The following MARK1 variants were observed in gnomAD, a reference collection of about 807,000 sequenced individuals.
MARK1 encodes microtubule affinity regulating kinase 1.
MARK1 carries 40 observed loss-of-function variants against 96.3 expected under a neutral mutation model. The ratio of observed to expected loss-of-function variants is 0.42; its 90% confidence interval spans 0.32 to 0.54. The LOEUF (loss-of-function observed/expected upper bound fraction) is 0.54. MARK1 is among the 20% of genes least tolerant of loss of function. The pLI is 0.16. For missense variants in MARK1, 719 were observed against 984.6 expected (o/e 0.73, Z 3.61); for synonymous variants, 317 against 341.2 (o/e 0.93, Z 0.78).
chr1:220,631,355 T>C (rs79037389), intron 10 of MARK1, among the ~76,000 whole-genome samples: 1 of 152,318 alleles, frequency 6.6e-6, no homozygotes, highest in African/African-American at 2.4e-5. Flanking sequence ...ACAACAGTGA[T>C]ATAAAACCTA....
chr1:220,646,472 C>G (rs1238906040), intron 13 of MARK1, among the ~76,000 whole-genome samples: 2 of 152,140 alleles, frequency 1.3e-5, no homozygotes, highest in African/African-American at 4.8e-5. Context: ...GTCAAAATGA[C>G]CATACTGCCA....
chr1:220,567,910 T>C (rs1363059100), intron 1 of MARK1, among the ~76,000 whole-genome samples: 2 of 152,188 alleles, frequency 1.3e-5, no homozygotes, highest in African/African-American at 2.4e-5. Context: ...TATCCATTTG[T>C]ATTTGCCTAG....
chr1:220,626,431 G>A (rs1402346193), intron 9 of MARK1: 1 of 544,730 alleles, frequency 1.8e-6, no homozygotes, highest in Non-Finnish European at 3.7e-6. Context: ...AGATGGGATT[G>A]ACGACAAGTC....
chr1:220,643,369 C>T (rs902665329), intron 13 of MARK1, among the ~76,000 whole-genome samples: 9 of 152,044 alleles, frequency 5.9e-5, no homozygotes, highest in African/African-American at 2.2e-4. Context: ...TGAAATGAGG[C>T]AGGCAGTCAA....
At chr1:220,627,183 C>A in intron 9 of MARK1, 1 of 475,784 alleles carries the variant, frequency 2.1e-6, no homozygotes. Context: ...AGGAGAGTGG[C>A]GATGAGAGCG....
chr1:220,613,402 A>T (rs2102953928), intron 6 of MARK1, among the ~76,000 whole-genome samples: 1 of 152,304 alleles, frequency 6.6e-6, no homozygotes, highest in Non-Finnish European at 1.5e-5. Flanking sequence ...GAGGCTCAGG[A>T]AATGTTTGAT....
intron 6 of MARK1, among the ~76,000 whole-genome samples, chr1:220,607,400 T>C (rs1666147881): frequency 6.6e-6 from 1 of 152,206 alleles, no homozygotes; most frequent in African/African-American, 2.4e-5. Flanking sequence ...CTGAAGTTGC[T>C]TATCAGCTTA....
At position 220,632,209 on chromosome 1, in the gene MARK1, G is replaced by A; in HGVS notation, c.1018G>A (p.Val340Ile). ...CTTTTTTAAATTTCTAGACATTATG[G>A]TCACCATGGGCTTTGCACGAGATGA... ...FNDTKRIDIM[V>I]TMGFARDEIN... The change falls in exon 11 of 18, where the codon GTC (valine) becomes ATC (isoleucine). Residue 340 changes from valine (V) to isoleucine (I), a missense_variant. By Grantham distance (29) the Val-to-Ile change is conservative (BLOSUM62 3). This residue lies in a region of MARK1 where 501 missense variants were observed against 588.3 expected (regional missense o/e 0.85). Transcript: ENST00000366917. The A allele has an allele frequency of 7.1e-7, 1 of 1,417,162 alleles. No individual in the cohort carries two copies. The highest frequency in any genetic ancestry group is 2.6e-5 in the East Asian group (1 of 38,662). The allele number at this position is 1,417,162 out of a possible 1,614,324, so 87.8% of individuals were successfully genotyped here. A position where few individuals can be genotyped will look rare whatever the true frequency, so the allele number is the denominator to read the frequency against.
intron 3 of MARK1, among the ~76,000 whole-genome samples, chr1:220,586,831 G>GT (rs1364516263): frequency 6.6e-6 from 1 of 152,088 alleles, no homozygotes; most frequent in African/African-American, 2.4e-5. Flanking sequence ...TTTAAGCATC[G>GT]TATTTTCATG....
Position 220,581,056 on chromosome 1 carries a change from CT to C in MARK1, c.256-3del. 1.5e-5 allele frequency: 19 copies of C among 1,236,992 alleles called. No individual in the cohort carries two copies. Among genetic ancestry groups the C allele is most frequent in the East Asian group, 5.4e-5 (2 of 36,768 alleles). The allele number at this position is 1,236,992 out of a possible 1,614,324, so 76.6% of individuals were successfully genotyped here. ...TTTCAAATAGAGTTTAATGATTCTT[CT>C]TTTTTAGGTTGCTGTGAAAATAATA... On this transcript the variant is annotated splice_polypyrimidine_tract_variant and splice_region_variant and intron_variant, in intron 2 of 17. Transcript: ENST00000366917.
At chr1:220,636,386 A>G (rs1667967300) in intron 13 of MARK1, among the ~76,000 whole-genome samples, 1 of 152,178 alleles carries the variant, frequency 6.6e-6, no homozygotes, top group South Asian at 2.1e-4. Context: ...AAGTTGCCTC[A>G]CATTATTCAC....
intron 7 of MARK1, among the ~76,000 whole-genome samples, chr1:220,617,914 T>G (rs537441497): frequency 2.6e-5 from 4 of 152,290 alleles, no homozygotes; most frequent in Non-Finnish European, 4.4e-5. Context: ...TAGAGCTCCT[T>G]TGGGTAATCA....
At chr1:220,622,010 T>C (rs995495782) in intron 9 of MARK1, among the ~76,000 whole-genome samples, 1 of 152,212 alleles carries the variant, frequency 6.6e-6, no homozygotes, top group Admixed American at 6.5e-5. Context: ...CAAACAGTTA[T>C]ATAATTTTTT....
At chr1:220,639,748 A>C (rs1248548099) in intron 13 of MARK1, among the ~76,000 whole-genome samples, 1 of 152,174 alleles carries the variant, frequency 6.6e-6, no homozygotes, top group African/African-American at 2.4e-5. Flanking sequence ...AGTATACTTG[A>C]CTATGTGTAT....
At chr1:220,625,818 G>T in intron 9 of MARK1, 1 of 460,020 alleles carries the variant, frequency 2.2e-6, no homozygotes, top group South Asian at 1.7e-5. Context: ...TTATAGACAA[G>T]ACCATCCAAT....
At chr1:220,539,578 A>G (rs1660985691) in intron 1 of MARK1, among the ~76,000 whole-genome samples, 1 of 152,146 alleles carries the variant, frequency 6.6e-6, no homozygotes, top group Non-Finnish European at 1.5e-5. Context: ...GTTTTTAATC[A>G]TGAAAGGGTA....
chr1:220,650,673 A>G lies in MARK1; in HGVS notation c.1524A>G (p.Glu508=). 3 of 1,613,900 alleles carry G rather than the reference A, an allele frequency of 1.9e-6. No homozygotes were observed. The highest frequency in any genetic ancestry group is 2.5e-6 in the Non-Finnish European group (3 of 1,179,832). The change falls in exon 14 of 18, where the codon GAA becomes GAG. Residue 508 remains glutamate (E), a synonymous_variant. Coordinates refer to ENST00000366917, the MANE Select transcript of MARK1 (RefSeq NM_018650.5). The part of the protein sequence containing the change: ...SMARRNTYVC[E]RTTDRYVALQ... The stretch of plus-strand genomic sequence containing the variant: ...CAAGAAGGAATACATATGTCTGTGA[A>G]AGGACCACAGATCGATACGTAGCAT...
At chr1:220,638,214 G>A (rs369763049) in intron 13 of MARK1, among the ~76,000 whole-genome samples, 18 of 151,316 alleles carry the variant, frequency 1.2e-4, no homozygotes, top group African/African-American at 3.7e-4. Flanking sequence ...AATTGGTCCC[G>A]TACTTTCTAC....
chr1:220,651,247 G>A (rs1227661429), intron 14 of MARK1, among the ~76,000 whole-genome samples: 1 of 151,876 alleles, frequency 6.6e-6, no homozygotes. Flanking sequence ...GAGTCACAAG[G>A]ACTACTCATC....
Sources: allele counts gnomAD v4.1 joint callset (sites outside exome capture counted in the v4.1 genomes callset), GRCh38; gene constraint gnomAD v4.1.1; regional missense constraint gnomAD v4.1.1; transcripts MANE v1.5; gene names NCBI Gene and HGNC (gene_info 2026-07-23, HGNC 2026-07-21).